PCDHGA7: variants seen among roughly 807,000 people sequenced by gnomAD.
PCDHGA7 encodes protocadherin gamma subfamily A, 7, also known as protocadherin gamma-A7.
A neutral mutation model predicts 58.3 loss-of-function variants in PCDHGA7; 44 were observed. The observed-to-expected ratio is 0.75, with a 90% confidence interval of 0.59 to 0.97. The LOEUF (loss-of-function observed/expected upper bound fraction) is 0.97. Ranked by LOEUF, PCDHGA7 falls within the 50% of genes least tolerant of loss-of-function variation. The pLI is 0.00. For missense variants in PCDHGA7, 1,266 were observed against 1,188.7 expected, an observed-to-expected ratio of 1.06 and a Z score of -0.96; for synonymous variants, 516 against 504.2, an observed-to-expected ratio of 1.02 and a Z score of -0.31.
At chr5:141,450,829 A>ATTTTT (rs373424450) in intron 1 of PCDHGA7, among the ~76,000 whole-genome samples, 3 of 135,122 alleles carry the variant, frequency 2.2e-5, no homozygotes, top group Admixed American at 7.6e-5. Flanking sequence ...TATTATTATT[A>ATTTTT]TTTTTTTTTT....
rs1289898516 is a variant in PCDHGA7 at position 141,487,019 on chromosome 5, C to G, written c.2425-7788C>G. ...CTATCAGCTCCTGGAGGCCCCAGAT[C>G]CCAGCCTGTTTGCAGTCTCTCGATA... On this transcript the variant is annotated intron_variant, in intron 1 of 3. Transcript: ENST00000518325. The surrounding 1 kb of genome is among the most constrained non-coding windows in gnomAD (Gnocchi z 5.0). 1 of 1,614,204 alleles carries G rather than the reference C, an allele frequency of 6.2e-7. No homozygotes were observed. The highest frequency in any genetic ancestry group is 8.5e-7 in the Non-Finnish European group (1 of 1,180,042).
intron 1 of PCDHGA7, chr5:141,410,517 C>T: frequency 6.2e-7 from 1 of 1,613,926 alleles, no homozygotes; most frequent in Non-Finnish European, 8.5e-7. Flanking sequence ...TGCAGTGTGC[C>T]CCTACATTCC....
chr5:141,452,015 C>T (rs2098730990), intron 1 of PCDHGA7, among the ~76,000 whole-genome samples: 1 of 152,306 alleles, frequency 6.6e-6, no homozygotes, highest in African/African-American at 2.4e-5. Context: ...GTCCAGCCCA[C>T]ACTCTGGGGA....
intron 1 of PCDHGA7, chr5:141,404,287 C>T: frequency 6.2e-7 from 1 of 1,613,976 alleles, no homozygotes; most frequent in Non-Finnish European, 8.5e-7. Context: ...TGACTGACAT[C>T]AATGATAATC....
intron 2 of PCDHGA7, among the ~76,000 whole-genome samples, chr5:141,502,135 G>A (rs1254187943): frequency 6.6e-6 from 1 of 152,154 alleles, no homozygotes; most frequent in East Asian, 1.9e-4. Context: ...GAGCTCAGTC[G>A]GGCCGGAAGT....
chr5:141,467,736 G>A (rs1435480730), intron 1 of PCDHGA7, among the ~76,000 whole-genome samples: 1 of 151,902 alleles, frequency 6.6e-6, no homozygotes, highest in Non-Finnish European at 1.5e-5. Flanking sequence ...ATCCCAGCTC[G>A]CTGCAACCTC....
chr5:141,427,751 C>T (rs778043340), intron 1 of PCDHGA7: 1 of 1,306,072 alleles, frequency 7.7e-7, no homozygotes, highest in South Asian at 1.2e-5. Flanking sequence ...CCTACTCCAT[C>T]GTTACCACTG....
chr5:141,394,505 C>A (rs1366555133), intron 1 of PCDHGA7: 4 of 1,614,218 alleles, frequency 2.5e-6, no homozygotes, highest in Non-Finnish European at 3.4e-6. Context: ...AGATCCTGTA[C>A]CCCGCCCTCC....
At chr5:141,386,476 G>A (rs2090588767) in intron 1 of PCDHGA7, among the ~76,000 whole-genome samples, 1 of 151,552 alleles carries the variant, frequency 6.6e-6, no homozygotes, top group African/African-American at 2.4e-5. Flanking sequence ...AAGAATTGGA[G>A]GCCCACCTAG....
At chr5:141,419,422 C>T (rs374564347) in intron 1 of PCDHGA7, 9 of 1,613,378 alleles carry the variant, frequency 5.6e-6, no homozygotes, top group Non-Finnish European at 7.6e-6. Flanking sequence ...GCGCCTTCGA[C>T]CACGAGCAGC....
At position 141,383,379 on chromosome 5, in the gene PCDHGA7, A is replaced by G; in HGVS notation, c.480A>G (p.Pro160=). ...TTCCGTTAAGCGAGGCTGGGGATCC[A>G]GATGTGGGCACGAACTCCCTCCAGA... The part of the protein sequence containing the change: ...VRFPLSEAGD[P]DVGTNSLQSY... Residue 160 remains proline (P), a synonymous_variant, in exon 1 of 4, where the codon CCA becomes CCG. Coordinates refer to ENST00000518325, the MANE Select transcript of PCDHGA7 (RefSeq NM_018920.4). 1 of 1,614,052 alleles carries G rather than the reference A, an allele frequency of 6.2e-7. No homozygotes were observed. Among genetic ancestry groups the G allele is most frequent in the Non-Finnish European group, 8.5e-7 (1 of 1,179,906 alleles).
chr5:141,481,182 G>T (rs2099533183), intron 1 of PCDHGA7, among the ~76,000 whole-genome samples: 1 of 152,180 alleles, frequency 6.6e-6, no homozygotes, highest in Non-Finnish European at 1.5e-5. Flanking sequence ...AGCTTTATTG[G>T]GCCAGGCCCA....
chr5:141,393,659 G>GA (rs1276688380), intron 1 of PCDHGA7: 7 of 1,613,880 alleles, frequency 4.3e-6, no homozygotes, highest in Middle Eastern at 1.6e-4. Context: ...ACAAATTCCG[G>GA]AAAATTAATG....
At chr5:141,503,814 T>C (rs539980053) in intron 2 of PCDHGA7, among the ~76,000 whole-genome samples, 2 of 152,100 alleles carry the variant, frequency 1.3e-5, no homozygotes, top group East Asian at 3.9e-4. Flanking sequence ...GAATCCCAGA[T>C]TGGGCAAAAC....
In PCDHGA7 at chr5:141,409,573, C is replaced by A. The variant is rs562811168; in HGVS notation, c.2424+24250C>A. 7 of 1,613,816 alleles carry A rather than the reference C, an allele frequency of 4.3e-6. No individual in the cohort carries two copies. In the Admixed American group the frequency reaches 1.2e-4, roughly 27 times the overall value. ...CCCCAGTTTTCGACCAGACGTCCTA[C>A]GTGGTCCACGTGGCCGAGAACAACC... On this transcript the variant is annotated intron_variant, in intron 1 of 3. Transcript: ENST00000518325.
chr5:141,431,904 T>A lies in PCDHGA7; in HGVS notation c.2424+46581T>A. On this transcript the variant is annotated intron_variant, in intron 1 of 3. Transcript: ENST00000518325. The surrounding 1 kb of genome is among the most constrained non-coding windows in gnomAD (Gnocchi z 4.8). ...CAAGATTCTGAGGAAAACGGACAGG[T>A]GATCTGTTTCATCCAAGGAAATCTG... is the stretch of plus-strand genomic sequence containing the variant. 1 of 1,613,846 alleles carries A rather than the reference T, an allele frequency of 6.2e-7. No individual in the cohort carries two copies. Among genetic ancestry groups the A allele is most frequent in the Non-Finnish European group, 8.5e-7 (1 of 1,179,708 alleles).
At chr5:141,394,379 T>C in intron 1 of PCDHGA7, 1 of 1,614,160 alleles carries the variant, frequency 6.2e-7, no homozygotes, top group Non-Finnish European at 8.5e-7. Context: ...CTTTCGACTA[T>C]GAGCAGATCC....
Position 141,486,416 on chromosome 5 carries a change from C to G in PCDHGA7, c.2425-8391C>G. The G allele has an allele frequency of 4.3e-6, 7 of 1,614,152 alleles. No homozygotes were observed. The highest frequency in any genetic ancestry group is 5.9e-6 in the Non-Finnish European group (7 of 1,180,016). On this transcript the variant is annotated intron_variant, in intron 1 of 3. Coordinates refer to ENST00000518325, the MANE Select transcript of PCDHGA7 (RefSeq NM_018920.4). The surrounding 1 kb of genome is among the most constrained non-coding windows in gnomAD (Gnocchi z 5.0). Reference sequence around the variant, plus strand: ...CCTGGTGACTGCTGGACCCTTGGATCGAGAGGCCAAATCTAGCTATGACAT... The same window carrying G: ...CCTGGTGACTGCTGGACCCTTGGATGGAGAGGCCAAATCTAGCTATGACAT...
chr5:141,459,573 T>TTC (rs2098970689), intron 1 of PCDHGA7, among the ~76,000 whole-genome samples: 1 of 152,208 alleles, frequency 6.6e-6, no homozygotes, highest in Non-Finnish European at 1.5e-5. Context: ...CAAAACAGAA[T>TTC]TGTTTTGGGG....
Sources: gnomAD v4.1 joint callset for allele counts (sites outside exome capture counted in the v4.1 genomes callset) on GRCh38, gnomAD v4.1.1 for gene constraint, Gnocchi (gnomAD v3.1) non-coding constraint, MANE v1.5 for transcripts, NCBI Gene and HGNC (gene_info 2026-07-23, HGNC 2026-07-21) for gene names.